Variants in ESRRG observed in about 807,000 individuals in gnomAD.
ESRRG encodes the protein estrogen related receptor gamma.
ESRRG carries 13 observed loss-of-function variants against 44.0 expected under a neutral mutation model. The ratio of observed to expected loss-of-function variants is 0.30; its 90% CI spans 0.19 to 0.47. ESRRG has a LOEUF of 0.47. ESRRG is among the 20% of genes least tolerant of loss of function. ESRRG has a pLI of 1.00. For missense variants in ESRRG, 395 were observed against 580.6 expected, an observed-to-expected ratio of 0.68 and a Z score of 3.29; for synonymous variants, 215 against 214.6, an observed-to-expected ratio of 1.00 and a Z score of -0.02.
At chr1:216,937,293 G>A (rs1023144428) in intron 2 of ESRRG, among the ~76,000 whole-genome samples, 1 of 152,112 alleles carries the variant, frequency 6.6e-6, no homozygotes, top group Non-Finnish European at 1.5e-5. Context: ...TGCCAAAAAG[G>A]TATTAAAGTA....
At chr1:216,777,371 C>T (rs1004915783) in intron 2 of ESRRG, among the ~76,000 whole-genome samples, 10 of 152,040 alleles carry the variant, frequency 6.6e-5, no homozygotes, top group African/African-American at 1.9e-4. Context: ...CAGCGCAACA[C>T]GAAAACTCTC....
intron 5 of ESRRG, among the ~76,000 whole-genome samples, chr1:216,563,309 A>G (rs1220560916): frequency 6.6e-6 from 1 of 152,176 alleles, no homozygotes; most frequent in East Asian, 1.9e-4. Context: ...AATTAGCTTC[A>G]CTGCGATATC....
chr1:216,767,690 A>G (rs1275111024), intron 2 of ESRRG, among the ~76,000 whole-genome samples: 4 of 152,150 alleles, frequency 2.6e-5, no homozygotes, highest in African/African-American at 9.6e-5. Context: ...GGCACAAGAG[A>G]ATCCTTTACA....
At chr1:217,072,511 G>T (rs1483854927) in intron 1 of ESRRG, among the ~76,000 whole-genome samples, 3 of 151,972 alleles carry the variant, frequency 2.0e-5, no homozygotes, top group African/African-American at 7.3e-5. Flanking sequence ...CTCAAAATAG[G>T]CCTAAAATAT....
chr1:216,755,708 T>C (rs1031201661), intron 2 of ESRRG, among the ~76,000 whole-genome samples: 12 of 152,002 alleles, frequency 7.9e-5, no homozygotes, highest in African/African-American at 2.9e-4. Flanking sequence ...TCAGTAGATG[T>C]TTATAGAACT....
chr1:216,924,888 C>T (rs547521322), intron 2 of ESRRG, among the ~76,000 whole-genome samples: 4 of 152,102 alleles, frequency 2.6e-5, no homozygotes, highest in Non-Finnish European at 5.9e-5. Context: ...CTGACTTACT[C>T]CATAGATAAT....
chr1:216,986,378 C>T (rs71643432), intron 1 of ESRRG, among the ~76,000 whole-genome samples: 25,627 of 151,930 alleles, frequency 0.17, 2,874 homozygotes, highest in Admixed American at 0.29. Context: ...TGTATAGAGA[C>T]GTAAACATGT....
upstream of ESRRG, among the ~76,000 whole-genome samples, chr1:217,093,901 G>A (rs1009520248): frequency 6.6e-6 from 1 of 151,836 alleles, no homozygotes; most frequent in African/African-American, 2.4e-5. Context: ...ATTATTATCT[G>A]AGACAGGATC....
intron 1 of ESRRG, among the ~76,000 whole-genome samples, chr1:216,696,089 A>G (rs2080105029): frequency 6.6e-6 from 1 of 152,216 alleles, no homozygotes; most frequent in Non-Finnish European, 1.5e-5. Flanking sequence ...ATATAATTTT[A>G]TATGTCCCAA....
chr1:216,709,545 C>T (rs10863268), intron 1 of ESRRG, among the ~76,000 whole-genome samples: 29,231 of 151,658 alleles, frequency 0.19, 3,667 homozygotes, highest in Middle Eastern at 0.28. Flanking sequence ...CTTTTAAATG[C>T]CCCCCTTCTT....
chr1:216,686,439 CAAAAAAAAAAA>C (rs58718125), intron 1 of ESRRG, among the ~76,000 whole-genome samples: 49 of 107,176 alleles, frequency 4.6e-4, no homozygotes, highest in African/African-American at 1.7e-3. Context: ...TATTGTTAAC[CAAAAAAAAAAA>C]AAAAAAAAAA....
intron 1 of ESRRG, among the ~76,000 whole-genome samples, chr1:217,080,273 C>T (rs969628513): frequency 1.3e-5 from 2 of 152,016 alleles, no homozygotes. Flanking sequence ...AAGATATTAC[C>T]TGTTTAATAA....
intron 1 of ESRRG, among the ~76,000 whole-genome samples, chr1:216,960,544 T>C (rs1578708783): frequency 1.3e-5 from 2 of 152,194 alleles, no homozygotes; most frequent in East Asian, 3.9e-4. Context: ...GTTTTTTGTT[T>C]TCTCATTCAA....
At chr1:216,576,898 A>C (rs1231391351) in intron 3 of ESRRG, among the ~76,000 whole-genome samples, 1 of 152,076 alleles carries the variant, frequency 6.6e-6, no homozygotes, top group Non-Finnish European at 1.5e-5. Flanking sequence ...ATGGAAATAA[A>C]TGAGTCTGGC....
intron 2 of ESRRG, among the ~76,000 whole-genome samples, chr1:216,661,861 G>A (rs2072524331): frequency 6.6e-6 from 1 of 152,118 alleles, no homozygotes; most frequent in African/African-American, 2.4e-5. Context: ...AATGGTAATT[G>A]ATCTGTGTGT....
intron 1 of ESRRG, among the ~76,000 whole-genome samples, chr1:217,008,637 T>A (rs796614405): frequency 4.9e-4 from 74 of 152,330 alleles, no homozygotes; most frequent in African/African-American, 1.7e-3. Context: ...AACACAGATA[T>A]CTGTGACAAG....
intron 2 of ESRRG, among the ~76,000 whole-genome samples, chr1:216,923,008 G>A (rs940873368): frequency 6.6e-6 from 1 of 152,144 alleles, no homozygotes; most frequent in Non-Finnish European, 1.5e-5. Flanking sequence ...ATTTTAACAA[G>A]AGTCACCAGA....
At chr1:216,531,213 A>G (rs1572400518) in intron 5 of ESRRG, among the ~76,000 whole-genome samples, 1 of 152,228 alleles carries the variant, frequency 6.6e-6, no homozygotes, top group East Asian at 1.9e-4. Flanking sequence ...CACTCAAATA[A>G]TATTAGAAAT....
At chr1:216,528,986 G>A (rs2048481925) in intron 5 of ESRRG, among the ~76,000 whole-genome samples, 1 of 152,086 alleles carries the variant, frequency 6.6e-6, no homozygotes, top group East Asian at 1.9e-4. Context: ...AAACAGCAAG[G>A]AGGGTTCTTG....
Sources: allele counts gnomAD v4.1 joint callset (sites outside exome capture counted in the v4.1 genomes callset), GRCh38; gene constraint gnomAD v4.1.1; transcripts MANE v1.5; gene names NCBI Gene and HGNC (gene_info 2026-07-23, HGNC 2026-07-21).